The following SPTBN1 variants were observed in gnomAD, a reference collection of about 807,000 sequenced individuals.
SPTBN1 encodes the protein spectrin beta, non-erythrocytic 1.
In SPTBN1, 32 loss-of-function variants were observed where a neutral mutation model predicts 266.4. The observed-to-expected ratio is 0.12, with a 90% CI of 0.09 to 0.16. SPTBN1 has a LOEUF of 0.16. Ranked by LOEUF, SPTBN1 falls within the 10% of genes least tolerant of loss-of-function variation. The probability of loss-of-function intolerance (pLI) is 1.00; values close to 1 mark genes in which losing one functional copy is unlikely to be tolerated. For missense variants in SPTBN1, 2,296 were observed against 3,067.1 expected (o/e 0.75, Z 5.94); for synonymous variants, 1,336 against 1,162.2 (o/e 1.15, Z -3.04).
intron 3 of SPTBN1, among the ~76,000 whole-genome samples, chr2:54,610,929 G>A (rs550757441): frequency 6.6e-6 from 1 of 152,280 alleles, no homozygotes; most frequent in South Asian, 2.1e-4. Context: ...AGACCACGTG[G>A]AGATGATTAG....
Position 54,558,244 on chromosome 2 carries a change from G to A in SPTBN1, c.148+31678G>A. The A allele has an allele frequency of 1.0e-6, 1 of 985,300 alleles. No individual in the cohort carries two copies. Among genetic ancestry groups the A allele is most frequent in the South Asian group, 4.7e-5 (1 of 21,282 alleles). The allele number at this position is 985,300 out of a possible 1,614,324, so 61.0% of individuals were successfully genotyped here. A position where few individuals can be genotyped will look rare whatever the true frequency, so the allele number is the denominator to read the frequency against. On this transcript the variant is annotated intron_variant, in intron 2 of 35. Transcript: ENST00000356805. The surrounding 1 kb of genome is among the most constrained non-coding windows in gnomAD (Gnocchi z 4.6). ...CGGGACCGGTAGGGGGTCGCGGGCC[G>A]GCTAGGCTCCCCCGCGCCCCTCCTC...
At chr2:54,666,463 C>A (rs1442240621) in intron 34 of SPTBN1, among the ~76,000 whole-genome samples, 1 of 152,184 alleles carries the variant, frequency 6.6e-6, no homozygotes, top group Non-Finnish European at 1.5e-5. Flanking sequence ...AGATGCTATT[C>A]TTTGCTCATG....
chr2:54,489,384 G>T (rs1354912285), intron 1 of SPTBN1, among the ~76,000 whole-genome samples: 3 of 151,888 alleles, frequency 2.0e-5, no homozygotes, highest in African/African-American at 7.3e-5. Context: ...GCAATATGCA[G>T]TTGCAAGTTG....
intron 4 of SPTBN1, among the ~76,000 whole-genome samples, chr2:54,612,754 C>T (rs534193911): frequency 9.9e-5 from 15 of 152,256 alleles, no homozygotes; most frequent in African/African-American, 2.9e-4. Flanking sequence ...TGTTACAGAA[C>T]ATTTTTTGGC....
In SPTBN1 at chr2:54,647,183, C is replaced by G. The variant is rs1442220029; in HGVS notation, c.4919C>G (p.Ala1640Gly). ...AAGAAGCACCAGATCTTAGAACAAG[C>G]TGTGGAGGACTATGCAGAGACCGTG... ...MLKKHQILEQAVEDYAETVHQ... is the reference protein window; with the variant it reads ...MLKKHQILEQGVEDYAETVHQ... Residue 1640 changes from alanine (A) to glycine (G), a missense_variant, in exon 24 of 36, where the codon GCT (alanine) becomes GGT (glycine). By Grantham distance (60) the Ala-to-Gly change is moderately conservative (BLOSUM62 0). Transcript: ENST00000356805. 3 of 1,614,188 alleles carry G rather than the reference C, an allele frequency of 1.9e-6. No individual in the cohort carries two copies. The highest frequency in any genetic ancestry group is 2.5e-6 in the Non-Finnish European group (3 of 1,180,040).
At chr2:54,579,488 G>A (rs752045666) in intron 2 of SPTBN1, among the ~76,000 whole-genome samples, 5 of 152,252 alleles carry the variant, frequency 3.3e-5, no homozygotes, top group Admixed American at 1.3e-4. Context: ...GGGGTAGTTC[G>A]TCTCTGTATT....
chr2:54,539,487 C>T (rs774743527), intron 2 of SPTBN1, among the ~76,000 whole-genome samples: 3 of 152,198 alleles, frequency 2.0e-5, no homozygotes, highest in Non-Finnish European at 4.4e-5. Flanking sequence ...TCCCATCTTT[C>T]TCCCTAAAGA....
At position 54,648,971 on chromosome 2, in the gene SPTBN1, C is replaced by A; in HGVS notation, c.4998-15C>A. Reference sequence around the variant, plus strand: ...TAAGATCCTTTTTCTCCCCATTGCTCCTTTTCTTTTTCAGTGAGCGCATTA... The same window carrying A: ...TAAGATCCTTTTTCTCCCCATTGCTACTTTTCTTTTTCAGTGAGCGCATTA... On this transcript the variant is annotated splice_polypyrimidine_tract_variant and intron_variant, in intron 24 of 35. Coordinates refer to ENST00000356805, the MANE Select transcript of SPTBN1 (RefSeq NM_003128.3). The A allele has an allele frequency of 1.9e-6, 3 of 1,574,840 alleles. No individual in the cohort carries two copies. The highest frequency in any genetic ancestry group is 2.3e-5 in the South Asian group (2 of 87,112).
chr2:54,612,478 C>G, intron 4 of SPTBN1, 144 bp downstream of exon 4: 2 of 952,168 alleles, frequency 2.1e-6, no homozygotes, highest in Non-Finnish European at 3.0e-6. Context: ...TCATATCCAG[C>G]CCTCAGAATT....
intron 17 of SPTBN1, among the ~76,000 whole-genome samples, chr2:54,635,307 C>G (rs1679044829): frequency 6.6e-6 from 1 of 152,222 alleles, no homozygotes; most frequent in African/African-American, 2.4e-5. Flanking sequence ...CACTAGTAAA[C>G]CATTAAGCCA....
chr2:54,664,565 C>T lies in SPTBN1; in HGVS notation c.6533C>T (p.Thr2178Ile). 3 of 1,614,164 alleles carry T rather than the reference C, an allele frequency of 1.9e-6. No homozygotes were observed. The highest frequency in any genetic ancestry group is 2.2e-5 in the South Asian group (2 of 91,078). ...CCGACCTCTGATCGTAAAGCCAAGA[C>T]TGCCCTCCCAGCCCAGAGTGCCGCC... ...PSPTSDRKAK[T>I]ALPAQSAATL... is the part of the protein sequence containing the mutation. Residue 2178 changes from threonine to isoleucine, a missense_variant, in exon 33 of 36, where the codon ACT (threonine) becomes ATT (isoleucine). Physicochemically the swap from Thr to Ile is moderately conservative, Grantham distance 89. This residue lies in a region of SPTBN1 where 347 missense variants were observed against 368.5 expected (regional missense o/e 0.94). Transcript: ENST00000356805. This position sits in a 1 kb window ranked among gnomAD's most constrained non-coding sequence, Gnocchi z 5.6.
intron 1 of SPTBN1, among the ~76,000 whole-genome samples, chr2:54,457,018 C>CG (rs1693074967): frequency 6.6e-6 from 1 of 151,684 alleles, no homozygotes; most frequent in African/African-American, 2.4e-5. Context: ...GTGACAGGGC[C>CG]GGGCTCTGCG....
At chr2:54,561,537 A>G (rs1055150277) in intron 2 of SPTBN1, among the ~76,000 whole-genome samples, 1 of 152,080 alleles carries the variant, frequency 6.6e-6, no homozygotes, top group African/African-American at 2.4e-5. Flanking sequence ...GCTGGTTTCA[A>G]GTTACTTTCC....
chr2:54,582,576 A>G (rs975665396), intron 2 of SPTBN1, among the ~76,000 whole-genome samples: 1 of 152,066 alleles, frequency 6.6e-6, no homozygotes, highest in African/African-American at 2.4e-5. Flanking sequence ...AAAAAAAAAA[A>G]AAAAGAAATA....
intron 1 of SPTBN1, among the ~76,000 whole-genome samples, chr2:54,521,819 TG>T (rs1451997698): frequency 1.3e-5 from 2 of 152,172 alleles, no homozygotes; most frequent in East Asian, 3.9e-4. Flanking sequence ...CCACTGTGCT[TG>T]GCATATATTT....
chr2:54,587,806 A>C (rs1030403854), intron 2 of SPTBN1, among the ~76,000 whole-genome samples: 2 of 152,080 alleles, frequency 1.3e-5, no homozygotes, highest in African/African-American at 4.8e-5. Flanking sequence ...TCCATCCCGT[A>C]AGTGAAGGTA....
At chr2:54,599,443 GC>G (rs1676329041) in intron 3 of SPTBN1, among the ~76,000 whole-genome samples, 200 bp downstream of exon 3, 4 of 152,176 alleles carry the variant, frequency 2.6e-5, no homozygotes, top group Admixed American at 2.6e-4. Flanking sequence ...CTGTAATAAA[GC>G]CACTTTGTTC....
intron 1 of SPTBN1, among the ~76,000 whole-genome samples, chr2:54,465,067 A>T (rs927407973): frequency 6.6e-6 from 1 of 152,236 alleles, no homozygotes; most frequent in African/African-American, 2.4e-5. Flanking sequence ...GAAAGAAAAA[A>T]GTAAATCTGT....
chr2:54,656,120 T>A, intron 29 of SPTBN1, 122 bp downstream of exon 29: 1 of 761,838 alleles, frequency 1.3e-6, no homozygotes, highest in South Asian at 1.8e-5. Flanking sequence ...GATGCCTTTT[T>A]AGTGCCCCGT....
Sources: allele counts gnomAD v4.1 joint callset (sites outside exome capture counted in the v4.1 genomes callset), GRCh38; gene constraint gnomAD v4.1.1; regional missense constraint gnomAD v4.1.1; non-coding constraint Gnocchi (gnomAD v3.1); transcripts MANE v1.5; gene names NCBI Gene and HGNC (gene_info 2026-07-23, HGNC 2026-07-21).